ADRA1A: variants seen among roughly 807,000 people sequenced by gnomAD.
ADRA1A encodes adrenoceptor alpha 1A, also known as alpha-1A adrenergic receptor.
ADRA1A carries 31 observed loss-of-function variants against 29.6 expected under a neutral mutation model. The observed-to-expected ratio is 1.05, with a 90% CI of 0.79 to 1.41. The LOEUF (loss-of-function observed/expected upper bound fraction) is 1.41, where lower values mean the gene tolerates loss of function less well. Ranked by LOEUF, ADRA1A falls within the 40% of genes most tolerant of loss-of-function variation. ADRA1A has a pLI of 0.00. For missense variants in ADRA1A, 619 were observed against 601.1 expected (o/e 1.03, Z -0.31); for synonymous variants, 311 against 254.3 (o/e 1.22, Z -2.12).
chr8:26,851,576 C>A lies in ADRA1A; in HGVS notation c.883+12511G>T, dbSNP rs565072896. Among the ~76,000 whole-genome samples, 96 of 152,154 alleles carry A rather than the reference C, an allele frequency of 6.3e-4. 1 individual carries two copies. In the Middle Eastern group the frequency reaches 0.01, roughly 16 times the overall value. Reference sequence around the variant, plus strand: ...AGAAATCCATTTGATGTGAAGTACACAAGCTGCTATATAAAATGGTGAACA... The same window carrying A: ...AGAAATCCATTTGATGTGAAGTACAAAAGCTGCTATATAAAATGGTGAACA... On this transcript the variant is annotated intron_variant, in intron 2 of 2. Transcript: ENST00000380573.
rs1018522054 is a variant in ADRA1A at position 26,860,418 on chromosome 8, C to T, written c.883+3669G>A. On this transcript the variant is annotated intron_variant, in intron 2 of 2. Transcript: ENST00000380573. The surrounding 1 kb of genome is among the most constrained non-coding windows in gnomAD (Gnocchi z 4.7). ...ACTCACAGTAGGTCCTCAGCATTGC[C>T]TCCTGTATCCCTCAGCTGCTTAGCT... is the stretch of plus-strand genomic sequence containing the variant. Among the ~76,000 whole-genome samples, 3 of 152,300 alleles carry T rather than the reference C, an allele frequency of 2.0e-5. No individual in the cohort carries two copies. Among genetic ancestry groups the T allele is most frequent in the Middle Eastern group, 6.8e-3 (2 of 294 alleles).
At chr8:26,838,783 T>G (rs1002580702) in intron 2 of ADRA1A, among the ~76,000 whole-genome samples, 4 of 152,232 alleles carry the variant, frequency 2.6e-5, no homozygotes, top group African/African-American at 9.6e-5. Flanking sequence ...TTCTGTAGCT[T>G]TGGCCTTAGA....
intron 2 of ADRA1A, among the ~76,000 whole-genome samples, chr8:26,778,096 A>G (rs1262375566): frequency 6.6e-6 from 1 of 152,202 alleles, no homozygotes; most frequent in East Asian, 1.9e-4. Context: ...GATGAGTCTG[A>G]GCTGCTGGAA....
At chr8:26,858,519 A>C (rs541240513) in intron 2 of ADRA1A, among the ~76,000 whole-genome samples, 5 of 152,336 alleles carry the variant, frequency 3.3e-5, no homozygotes, top group Admixed American at 2.0e-4. Flanking sequence ...TGTTATATGA[A>C]AAAGAAAGCC....
intron 2 of ADRA1A, chr8:26,772,186 G>T (rs1482315764): frequency 6.7e-6 from 1 of 148,900 alleles, no homozygotes; most frequent in African/African-American, 2.5e-5. Context: ...TCTTAAAAAT[G>T]CTTATTAAAG....
intron 2 of ADRA1A, chr8:26,779,340 A>G (rs1233524530): frequency 1.4e-6 from 1 of 702,550 alleles, no homozygotes; most frequent in Admixed American, 2.0e-5. Flanking sequence ...TTCCTTCTCC[A>G]TCACCTCCAA....
chr8:26,788,816 A>G (rs1807596909), intron 2 of ADRA1A, among the ~76,000 whole-genome samples: 1 of 152,150 alleles, frequency 6.6e-6, no homozygotes, highest in African/African-American at 2.4e-5. Flanking sequence ...TGGTTTCTCT[A>G]CTGCTGTATA....
At chr8:26,811,951 T>C (rs2130543400) in intron 2 of ADRA1A, among the ~76,000 whole-genome samples, 1 of 152,362 alleles carries the variant, frequency 6.6e-6, no homozygotes, top group Non-Finnish European at 1.5e-5. Context: ...CACAATTTAT[T>C]TACCTATTCC....
intron 2 of ADRA1A, among the ~76,000 whole-genome samples, chr8:26,808,289 C>T (rs1202439009): frequency 6.6e-6 from 1 of 152,178 alleles, no homozygotes; most frequent in African/African-American, 2.4e-5. Flanking sequence ...CCTCTTTTCC[C>T]TATCAATGTG....
chr8:26,781,178 A>G (rs35040804), intron 2 of ADRA1A, among the ~76,000 whole-genome samples: 14,191 of 152,036 alleles, frequency 0.093, 976 homozygotes, highest in East Asian at 0.33. Flanking sequence ...ACTTATTTCT[A>G]TTTTTGGTTG....
rs1194605237 is a variant in ADRA1A at position 26,865,335 on chromosome 8, C to A, written c.-366G>T. ...CATGCAATTCCAGAATTACGAGAAT[C>A]TGCTTTTCCGCGCTGTCTTATTCGT... On this transcript the variant is annotated 5_prime_UTR_variant, in exon 2 of 3. Transcript: ENST00000380573. The surrounding 1 kb of genome is among the most constrained non-coding windows in gnomAD (Gnocchi z 7.6). 1.8e-6 allele frequency: 2 copies of A among 1,084,864 alleles called. No homozygotes were observed. Among genetic ancestry groups the A allele is most frequent in the Non-Finnish European group, 2.2e-6 (2 of 893,360 alleles). The allele number at this position is 1,084,864 out of a possible 1,614,324, so 67.2% of individuals were successfully genotyped here.
chr8:26,842,095 C>T (rs1811853443), intron 2 of ADRA1A, among the ~76,000 whole-genome samples: 1 of 152,178 alleles, frequency 6.6e-6, no homozygotes, highest in African/African-American at 2.4e-5. Flanking sequence ...ATTATTTCTG[C>T]TGATCTCTAG....
chr8:26,864,590 C>CCGATGTAG lies in ADRA1A; in HGVS notation c.372_379dup (p.Gly127AlafsTer5). 1 of 1,614,118 alleles carries CCGATGTAG rather than the reference C, an allele frequency of 6.2e-7. No homozygotes were observed. The highest frequency in any genetic ancestry group is 1.1e-5 in the South Asian group (1 of 91,084). On this transcript the variant is annotated frameshift_variant, in exon 2 of 3. Transcript: ENST00000380573. LOFTEE classifies it high-confidence loss of function. This position sits in a 1 kb window ranked among gnomAD's most constrained non-coding sequence, Gnocchi z 8.1. ...TGGGTAGCGCAGCGGGTAGCTCACG[C>CCGATGTAG]CGATGTAGCGGTCGATGGAGATGAT...
chr8:26,855,282 A>G (rs1010535676), intron 2 of ADRA1A, among the ~76,000 whole-genome samples: 2 of 152,008 alleles, frequency 1.3e-5, no homozygotes, highest in African/African-American at 4.8e-5. Flanking sequence ...TGTAGAAAAG[A>G]TCACATCCGT....
intron 2 of ADRA1A, among the ~76,000 whole-genome samples, chr8:26,760,118 T>C (rs1286357493): frequency 6.6e-6 from 1 of 152,202 alleles, no homozygotes; most frequent in East Asian, 1.9e-4. Flanking sequence ...TTCTTCCAAA[T>C]GAGGATAAAT....
chr8:26,832,846 G>A (rs1811084583), intron 2 of ADRA1A, among the ~76,000 whole-genome samples: 1 of 152,094 alleles, frequency 6.6e-6, no homozygotes. Context: ...AGCCCATCCC[G>A]GGGAAGGCAG....
intron 2 of ADRA1A, among the ~76,000 whole-genome samples, chr8:26,811,915 C>G (rs1283156572): frequency 6.6e-6 from 1 of 152,120 alleles, no homozygotes; most frequent in African/African-American, 2.4e-5. Context: ...GTGCTTTGTT[C>G]CTTTTTATTT....
At chr8:26,800,270 GA>G (rs569244569) in intron 2 of ADRA1A, among the ~76,000 whole-genome samples, 90 of 151,854 alleles carry the variant, frequency 5.9e-4, no homozygotes, top group African/African-American at 2.1e-3. Flanking sequence ...AAAAAAAAGA[GA>G]AAAAATGATC....
At chr8:26,760,361 T>C (rs1431556976) in intron 2 of ADRA1A, among the ~76,000 whole-genome samples, 1 of 151,944 alleles carries the variant, frequency 6.6e-6, no homozygotes, top group Non-Finnish European at 1.5e-5. Flanking sequence ...GCTTTAAGAG[T>C]GGGAGGTGGT....
Sources: gnomAD v4.1 joint callset for allele counts (sites outside exome capture counted in the v4.1 genomes callset) on GRCh38, gnomAD v4.1.1 for gene constraint, Gnocchi (gnomAD v3.1) non-coding constraint, MANE v1.5 for transcripts, NCBI Gene and HGNC (gene_info 2026-07-23, HGNC 2026-07-21) for gene names.